The following SPINK1 variants were observed in gnomAD, a reference collection of about 807,000 sequenced individuals.
SPINK1 encodes the protein serine protease inhibitor Kazal-type 1.
SPINK1 carries 5 observed loss-of-function variants against 9.5 expected under a neutral mutation model. The ratio of observed to expected loss-of-function variants is 0.52; its 90% CI spans 0.27 to 1.10. SPINK1 has a LOEUF of 1.10. Among genes scored for constraint, SPINK1 ranks in the 50% least tolerant of loss-of-function variants. The pLI is 0.11. For missense variants in SPINK1, 88 were observed against 92.7 expected (o/e 0.95, Z 0.21); for synonymous variants, 37 against 32.3 (o/e 1.14, Z -0.49).
In SPINK1 at chr5:147,831,619, G is replaced by T. The variant is rs181484530; in HGVS notation, c.-42C>A. The T allele has an allele frequency of 5.0e-6, 8 of 1,610,616 alleles. No homozygotes were observed. Among genetic ancestry groups the T allele is most frequent in the East Asian group, 2.2e-5 (1 of 44,616 alleles). ...CCAGAGGTCAGTTGAAAACTGCACC[G>T]CACTTACCACGTCTCTTCAGAAGCC... On this transcript the variant is annotated 5_prime_UTR_variant, in exon 1 of 4. Transcript: ENST00000296695.
the SPINK1 span, among the ~76,000 whole-genome samples, chr5:147,837,652 T>TCTTTCTTTCTTTCTTC: frequency 1.6e-5 from 1 of 63,726 alleles, no homozygotes; most frequent in African/African-American, 6.0e-5. Context: ...TAACTTCTTT[T>TCTTTCTTTCTTTCTTC]CTTTCTTTCT....
chr5:147,830,180 C>A (rs956378376), intron 1 of SPINK1, among the ~76,000 whole-genome samples: 2 of 152,118 alleles, frequency 1.3e-5, no homozygotes, highest in African/African-American at 4.8e-5. Context: ...AAATAGAGTT[C>A]TTTTGCCAAC....
upstream of SPINK1, chr5:147,831,903 G>T: frequency 2.0e-6 from 2 of 999,366 alleles, no homozygotes; most frequent in Non-Finnish European, 1.3e-6. Flanking sequence ...CCCTTCTCAA[G>T]CCTGTTTTCT....
intron 3 of SPINK1, among the ~76,000 whole-genome samples, chr5:147,825,517 C>A (rs1756386320): frequency 6.6e-6 from 1 of 151,590 alleles, no homozygotes; most frequent in African/African-American, 2.4e-5. Flanking sequence ...CCTTGGCTCA[C>A]TGCAGCCTCC....
upstream of SPINK1, among the ~76,000 whole-genome samples, chr5:147,834,689 A>G (rs1756566106): frequency 6.6e-6 from 1 of 152,118 alleles, no homozygotes; most frequent in Admixed American, 6.6e-5. Flanking sequence ...GGATCTGGTC[A>G]CAGAAACTCA....
At chr5:147,838,184 T>C in the SPINK1 span, among the ~76,000 whole-genome samples, 6 of 152,180 alleles carry the variant, frequency 3.9e-5, no homozygotes, top group African/African-American at 1.4e-4. Context: ...ATTAACTAAA[T>C]GTTCAAACAT....
upstream of SPINK1, among the ~76,000 whole-genome samples, chr5:147,833,974 T>C (rs1330588875): frequency 6.6e-6 from 1 of 152,132 alleles, no homozygotes; most frequent in Non-Finnish European, 1.5e-5. Context: ...TTTCACCTTC[T>C]AAGGTTAAAA....
upstream of SPINK1, chr5:147,831,760 G>A: frequency 1.4e-6 from 2 of 1,449,990 alleles, no homozygotes; most frequent in South Asian, 2.8e-5. Flanking sequence ...CAGGTTCTGG[G>A]AATGTCACCT....
In SPINK1 at chr5:147,830,138, A is replaced by T. The variant is rs115200494; in HGVS notation, c.56-508T>A. On this transcript the variant is annotated intron_variant, in intron 1 of 3. Coordinates refer to ENST00000296695, the MANE Select transcript of SPINK1 (RefSeq NM_001379610.1). ...ATGCAAAGTTAGCTTTTTCAATTAC[A>T]TTTAAATTCCCTTTTGTAAGTATTG... Among the ~76,000 whole-genome samples the T allele has an allele frequency of 1.6e-3, 249 of 152,320 alleles. 2 individuals are homozygous for T. Among genetic ancestry groups the T allele is most frequent in the African/African-American group, 5.5e-3 (227 of 41,572 alleles).
intron 1 of SPINK1, 64 bp from the exon 2 acceptor site, chr5:147,829,694 C>T: frequency 2.1e-6 from 3 of 1,455,018 alleles, no homozygotes; most frequent in Middle Eastern, 1.8e-4. Context: ...TATTCTTCAT[C>T]AGAATTCTCT....
chr5:147,825,983 T>A (rs1265528982), intron 3 of SPINK1, among the ~76,000 whole-genome samples: 1 of 152,226 alleles, frequency 6.6e-6, no homozygotes, highest in Non-Finnish European at 1.5e-5. Flanking sequence ...TAAGTTAGTG[T>A]TAGCCACATT....
chr5:147,827,829 T>C, intron 3 of SPINK1, 193 bp downstream of exon 3: 1 of 503,386 alleles, frequency 2.0e-6, no homozygotes, highest in Non-Finnish European at 3.5e-6. Context: ...AAATATAGGC[T>C]TTTATCATAC....
At chr5:147,839,139 T>C in the SPINK1 span, among the ~76,000 whole-genome samples, 2 of 152,198 alleles carry the variant, frequency 1.3e-5, no homozygotes, top group African/African-American at 4.8e-5. Context: ...CTTACAATCA[T>C]GGCAGAAGGA....
upstream of SPINK1, among the ~76,000 whole-genome samples, chr5:147,833,899 CTACGTTGGTCATTTCTCTGT>C (rs1756551310): frequency 6.6e-6 from 1 of 152,134 alleles, no homozygotes; most frequent in Non-Finnish European, 1.5e-5. Flanking sequence ...CATTTCCTTG[CTACGTTGGTCATTTCTCTGT>C]TACCCTTTAC....
At chr5:147,827,919 G>T in intron 3 of SPINK1, 103 bp downstream of exon 3, 1 of 833,870 alleles carries the variant, frequency 1.2e-6, no homozygotes, top group Non-Finnish European at 1.9e-6. Context: ...TTTGGAAAAA[G>T]TAAATAGTTT....
At position 147,829,630 on chromosome 5, in the gene SPINK1, C is replaced by G. The variant is rs1411503462; in HGVS notation, c.56G>C (p.Gly19Ala). The G allele has an allele frequency of 1.2e-6, 2 of 1,612,088 alleles. No individual in the cohort carries two copies. The highest frequency in any genetic ancestry group is 1.7e-5 in the Admixed American group (1 of 59,996). ...TCCCAGGGAGTCAGCTCCAGTGTTA[C>G]CTAGAAATAAATCAGATATGGTAAG... ...LSALALLSLSGNTGADSLGRE... is the reference protein window; with the variant it reads ...LSALALLSLSANTGADSLGRE... Residue 19 changes from glycine (G) to alanine (A), a missense_variant and splice_region_variant, in exon 2 of 4, where the codon GGT becomes GCT. Transcript: ENST00000296695.
the SPINK1 span, among the ~76,000 whole-genome samples, chr5:147,839,089 T>G: frequency 1.7e-3 from 255 of 152,312 alleles, 1 homozygote; most frequent in Middle Eastern, 0.014. Context: ...AGAGGTTTAA[T>G]TGACTCACAG....
At chr5:147,831,695 G>A, upstream of SPINK1, 6 of 1,540,578 alleles carry the variant, frequency 3.9e-6, no homozygotes, top group Non-Finnish European at 5.2e-6. Context: ...CACCTACTGG[G>A]CTATATCACA....
chr5:147,826,524 T>C (rs991036412), intron 3 of SPINK1, among the ~76,000 whole-genome samples: 8 of 152,186 alleles, frequency 5.3e-5, no homozygotes, highest in Non-Finnish European at 7.3e-5. Flanking sequence ...CTAATATTTT[T>C]CTAATGTTTC....
Sources: gnomAD v4.1 joint callset for allele counts (sites outside exome capture counted in the v4.1 genomes callset) on GRCh38, gnomAD v4.1.1 for gene constraint, MANE v1.5 for transcripts, NCBI Gene and HGNC (gene_info 2026-07-23, HGNC 2026-07-21) for gene names.